The following SPRED2 variants were observed in gnomAD, a reference collection of about 807,000 sequenced individuals.
SPRED2 encodes the protein sprouty-related, EVH1 domain-containing protein 2.
In SPRED2, 47 loss-of-function variants were observed where a neutral mutation model predicts 43.0. The ratio of observed to expected loss-of-function variants is 1.09; its 90% CI spans 0.87 to 1.40. The LOEUF (loss-of-function observed/expected upper bound fraction) is 1.40. Ranked by LOEUF, SPRED2 falls within the 40% of genes most tolerant of loss-of-function variation. The pLI is 0.00. For missense variants in SPRED2, 561 were observed against 586.4 expected (o/e 0.96, Z 0.45); for synonymous variants, 225 against 225.7 (o/e 1.00, Z 0.03).
chr2:65,339,549 C>A (rs1177182054), intron 2 of SPRED2, among the ~76,000 whole-genome samples: 1 of 150,596 alleles, frequency 6.6e-6, no homozygotes, highest in African/African-American at 2.4e-5. Context: ...AGAGTCATCA[C>A]CACTCCCTAA....
chr2:65,374,306 T>C (rs1675189968), intron 1 of SPRED2, among the ~76,000 whole-genome samples: 3 of 152,206 alleles, frequency 2.0e-5, no homozygotes, highest in South Asian at 4.1e-4. Flanking sequence ...CAGAAATACC[T>C]AGGTCCAGAC....
chr2:65,317,841 A>G (rs1673290177), intron 4 of SPRED2, among the ~76,000 whole-genome samples: 1 of 152,156 alleles, frequency 6.6e-6, no homozygotes, highest in South Asian at 2.1e-4. Flanking sequence ...AGAAAAACAG[A>G]GGCCACCTCT....
At chr2:65,371,188 A>T (rs914337944) in intron 1 of SPRED2, among the ~76,000 whole-genome samples, 2 of 131,764 alleles carry the variant, frequency 1.5e-5, no homozygotes, top group East Asian at 1.0e-3. Flanking sequence ...ATCATACTGA[A>T]TATTTTTTTT....
chr2:65,322,261 TC>T (rs1673442783), intron 4 of SPRED2, among the ~76,000 whole-genome samples: 1 of 80,890 alleles, frequency 1.2e-5, no homozygotes, highest in African/African-American at 6.1e-5. Context: ...TCTCTCTCTC[TC>T]TCTCTCTCTA....
intron 1 of SPRED2, among the ~76,000 whole-genome samples, chr2:65,421,236 G>A (rs1397214514): frequency 1.3e-5 from 2 of 152,208 alleles, no homozygotes; most frequent in Admixed American, 6.5e-5. Context: ...CTAAGAATGG[G>A]GAGGGACAGG....
chr2:65,403,325 C>T (rs1284409136), intron 1 of SPRED2, among the ~76,000 whole-genome samples: 1 of 152,236 alleles, frequency 6.6e-6, no homozygotes, highest in Non-Finnish European at 1.5e-5. Context: ...GGCTGGAGTG[C>T]AGTGGTGCAT....
Position 65,313,450 on chromosome 2 carries a change from A to G in SPRED2, c.*51T>C. ...GGGGGAGAAGATGAGAGTATGTAAG[A>G]GACGAGTTCCCCTGTGGCTGCGGAT... On this transcript the variant is annotated 3_prime_UTR_variant, in exon 6 of 6. Coordinates refer to ENST00000356388, the MANE Select transcript of SPRED2 (RefSeq NM_181784.3). 6.4e-7 allele frequency: 1 copy of G among 1,554,250 alleles called. No homozygotes were observed. The highest frequency in any genetic ancestry group is 8.7e-7 in the Non-Finnish European group (1 of 1,152,964).
chr2:65,372,304 G>GACTA (rs1675143277), intron 1 of SPRED2, among the ~76,000 whole-genome samples: 1 of 152,186 alleles, frequency 6.6e-6, no homozygotes, highest in Non-Finnish European at 1.5e-5. Flanking sequence ...TGTCTAGATA[G>GACTA]TCTGAGTTTC....
chr2:65,377,193 C>T (rs1350394375), intron 1 of SPRED2, among the ~76,000 whole-genome samples: 1 of 152,126 alleles, frequency 6.6e-6, no homozygotes, highest in East Asian at 1.9e-4. Flanking sequence ...ATTAGAGTTG[C>T]CTTTACATAT....
chr2:65,381,790 G>A (rs1337369595), intron 1 of SPRED2, among the ~76,000 whole-genome samples: 1 of 152,212 alleles, frequency 6.6e-6, no homozygotes, highest in African/African-American at 2.4e-5. Context: ...CAATTCAACA[G>A]GTTCTGCCTG....
chr2:65,432,065 T>C lies in SPRED2; in HGVS notation c.-78A>G. On this transcript the variant is annotated 5_prime_UTR_variant, in exon 1 of 6. Coordinates refer to ENST00000356388, the MANE Select transcript of SPRED2 (RefSeq NM_181784.3). Reference sequence around the variant, plus strand: ...TCTTCCTGTCCGCTCGCCCCCCTTCTTCACATCTCCGGAGATCGCCTGATT... The same window carrying C: ...TCTTCCTGTCCGCTCGCCCCCCTTCCTCACATCTCCGGAGATCGCCTGATT... The C allele has an allele frequency of 6.3e-7, 1 of 1,581,170 alleles. No individual in the cohort carries two copies. The highest frequency in any genetic ancestry group is 1.3e-5 in the African/African-American group (1 of 74,378).
chr2:65,406,697 C>A (rs1676030769), intron 1 of SPRED2, among the ~76,000 whole-genome samples: 1 of 152,212 alleles, frequency 6.6e-6, no homozygotes, highest in African/African-American at 2.4e-5. Flanking sequence ...CCTTGCTGTA[C>A]ACAAGAGGCA....
intron 1 of SPRED2, among the ~76,000 whole-genome samples, chr2:65,372,775 C>T (rs1276869176): frequency 1.3e-5 from 2 of 152,204 alleles, no homozygotes; most frequent in African/African-American, 4.8e-5. Flanking sequence ...TTAAGGAGCA[C>T]TTGCACCAAG....
chr2:65,399,708 A>G (rs1170283987), intron 1 of SPRED2, among the ~76,000 whole-genome samples: 1 of 152,174 alleles, frequency 6.6e-6, no homozygotes, highest in East Asian at 1.9e-4. Flanking sequence ...TTCTAAGTGA[A>G]GTAACTCAGG....
chr2:65,394,382 C>T (rs766236595), intron 1 of SPRED2, among the ~76,000 whole-genome samples: 2 of 152,162 alleles, frequency 1.3e-5, no homozygotes, highest in South Asian at 2.1e-4. Flanking sequence ...ACAGACCACT[C>T]GGATAGAGGC....
chr2:65,428,504 G>C (rs1487395458), intron 1 of SPRED2, among the ~76,000 whole-genome samples: 2 of 152,242 alleles, frequency 1.3e-5, no homozygotes, highest in Non-Finnish European at 2.9e-5. Context: ...TGTGATAATA[G>C]TATTGTGGTT....
chr2:65,359,118 A>G (rs576984310), intron 1 of SPRED2, among the ~76,000 whole-genome samples: 1 of 152,298 alleles, frequency 6.6e-6, no homozygotes, highest in South Asian at 2.1e-4. Context: ...ACTGTTGGTG[A>G]GCAATTAAGT....
downstream of SPRED2, among the ~76,000 whole-genome samples, chr2:65,309,193 G>A (rs1020522882): frequency 2.6e-5 from 4 of 151,118 alleles, no homozygotes; most frequent in Non-Finnish European, 4.4e-5. Context: ...TTTTAATAGA[G>A]GTTAAGAAAA....
intron 1 of SPRED2, among the ~76,000 whole-genome samples, chr2:65,406,165 C>T (rs775500041): frequency 1.2e-4 from 19 of 152,232 alleles, no homozygotes; most frequent in African/African-American, 3.9e-4. Flanking sequence ...ATTATAAAAG[C>T]GAACCACCCC....
Sources: allele counts gnomAD v4.1 joint callset (sites outside exome capture counted in the v4.1 genomes callset), GRCh38; gene constraint gnomAD v4.1.1; transcripts MANE v1.5; gene names NCBI Gene and HGNC (gene_info 2026-07-23, HGNC 2026-07-21).